Variants in RORA observed in about 807,000 individuals in gnomAD.
RORA encodes nuclear receptor ROR-alpha.
A neutral mutation model predicts 69.5 loss-of-function variants in RORA; 7 were observed. That is an observed-to-expected ratio of 0.10 (90% CI 0.06 to 0.19). RORA has a LOEUF of 0.19. Ranked by LOEUF, RORA falls within the 10% of genes least tolerant of loss-of-function variation. The pLI is 1.00. For synonymous variants in RORA, 261 were observed against 240.8 expected (o/e 1.08, Z -0.78); for missense variants, 457 against 663.0 (o/e 0.69, Z 3.41).
intron 1 of RORA, among the ~76,000 whole-genome samples, chr15:61,118,640 T>TGA (rs572887914): frequency 2.6e-4 from 39 of 150,750 alleles, no homozygotes; most frequent in Non-Finnish European, 3.6e-4. Flanking sequence ...CAGCCAGAGG[T>TGA]GAGAGAGAGC....
At chr15:60,584,430 T>G (rs1186658842) in intron 2 of RORA, among the ~76,000 whole-genome samples, 1 of 152,228 alleles carries the variant, frequency 6.6e-6, no homozygotes, top group Non-Finnish European at 1.5e-5. Context: ...GAAATCTCCT[T>G]TGTTTTAAAT....
In RORA at chr15:60,820,566, A is replaced by T. The variant is rs150341355; in HGVS notation, c.167-141880T>A. Among the ~76,000 whole-genome samples, 118 of 152,152 alleles carry T rather than the reference A, an allele frequency of 7.8e-4. No homozygotes were observed. The East Asian group carries it at 0.015, about 20-fold the overall frequency. On this transcript the variant is annotated intron_variant, in intron 1 of 10. Transcript: ENST00000335670. ...AAAAGGCGCATTCTCTTTTCTGTAA[A>T]ATTTTTAAACATTTTAAAGCTAAAT...
chr15:60,880,729 C>T (rs560013066), intron 1 of RORA, among the ~76,000 whole-genome samples: 10 of 152,170 alleles, frequency 6.6e-5, no homozygotes, highest in South Asian at 2.1e-4. Flanking sequence ...TCAAAGCCTC[C>T]GGAAAAGGAG....
At chr15:61,046,122 AG>A (rs1897008390) in intron 1 of RORA, among the ~76,000 whole-genome samples, 2 of 152,248 alleles carry the variant, frequency 1.3e-5, no homozygotes, top group Non-Finnish European at 2.9e-5. Flanking sequence ...GTTAGGTCTC[AG>A]AAGTTCCACC....
chr15:61,011,141 T>C (rs1198429425), intron 1 of RORA, among the ~76,000 whole-genome samples: 1 of 152,126 alleles, frequency 6.6e-6, no homozygotes, highest in Non-Finnish European at 1.5e-5. Flanking sequence ...ACCCCCCTCA[T>C]TCAACTGCAC....
chr15:61,214,902 G>C (rs1208773851), intron 1 of RORA, among the ~76,000 whole-genome samples: 2 of 127,894 alleles, frequency 1.6e-5, no homozygotes, highest in African/African-American at 6.0e-5. Flanking sequence ...GTCTTGCTGT[G>C]TCCCCAGGCT....
At chr15:61,139,151 A>G (rs2079273777) in intron 1 of RORA, among the ~76,000 whole-genome samples, 1 of 152,186 alleles carries the variant, frequency 6.6e-6, no homozygotes, top group Non-Finnish European at 1.5e-5. Flanking sequence ...CTAAAAAAAA[A>G]AAAAAAGTTA....
intron 1 of RORA, among the ~76,000 whole-genome samples, chr15:60,713,606 C>T (rs545030412): frequency 1.3e-5 from 2 of 152,242 alleles, no homozygotes; most frequent in African/African-American, 4.8e-5. Context: ...CATATTCAGC[C>T]CTTAGGAATA....
At chr15:60,743,051 G>A in intron 1 of RORA, among the ~76,000 whole-genome samples, 1 of 74,312 alleles carries the variant, frequency 1.3e-5, no homozygotes, top group East Asian at 3.8e-4. Context: ...GTCTCACTTT[G>A]TCACCCAGGC....
chr15:60,510,571 T>C (rs1026544652), intron 5 of RORA: 3 of 152,248 alleles, frequency 2.0e-5, no homozygotes, highest in African/African-American at 7.2e-5. Context: ...ACATTTATAC[T>C]ATATATCAGA....
At chr15:60,813,099 C>T (rs2072766029) in intron 1 of RORA, among the ~76,000 whole-genome samples, 1 of 152,204 alleles carries the variant, frequency 6.6e-6, no homozygotes, top group East Asian at 1.9e-4. Flanking sequence ...CTGCAACATC[C>T]TGCCTCCAAA....
chr15:61,203,716 A>T (rs908545616), intron 1 of RORA, among the ~76,000 whole-genome samples: 2 of 152,250 alleles, frequency 1.3e-5, no homozygotes, highest in Non-Finnish European at 2.9e-5. Flanking sequence ...ACAAGTCTTG[A>T]GCAGAATAAA....
chr15:60,913,657 T>C (rs950778036), intron 1 of RORA, among the ~76,000 whole-genome samples: 1 of 152,218 alleles, frequency 6.6e-6, no homozygotes, highest in Admixed American at 6.5e-5. Flanking sequence ...ATGCTGTGCT[T>C]TGCTGGCATT....
rs1031324326 is a variant in RORA at position 61,213,225 on chromosome 15, G to A, written c.166+15828C>T. On this transcript the variant is annotated intron_variant, in intron 1 of 10. Coordinates refer to ENST00000335670, the MANE Select transcript of RORA (RefSeq NM_134261.3). The surrounding 1 kb of genome is among the most constrained non-coding windows in gnomAD (Gnocchi z 4.1). The stretch of plus-strand genomic sequence containing the variant: ...TCATGTTCTTCCAACTCCACTTCCT[G>A]GGGAATCCTACCGCAGAGTCAACTC... Among the ~76,000 whole-genome samples, 3 of 151,904 alleles carry A rather than the reference G, an allele frequency of 2.0e-5. No individual in the cohort carries two copies. Among genetic ancestry groups the A allele is most frequent in the Non-Finnish European group, 4.4e-5 (3 of 68,002 alleles).
chr15:60,715,421 G>A (rs2071207283), intron 1 of RORA, among the ~76,000 whole-genome samples: 1 of 152,158 alleles, frequency 6.6e-6, no homozygotes, highest in African/African-American at 2.4e-5. Flanking sequence ...CAGGCTGGTG[G>A]TCAACTTTCA....
intron 1 of RORA, among the ~76,000 whole-genome samples, chr15:61,190,971 AAG>A (rs2079793768): frequency 6.6e-6 from 1 of 152,116 alleles, no homozygotes; most frequent in Non-Finnish European, 1.5e-5. Context: ...AGTAGCTCGT[AAG>A]CTGATTTTTA....
intron 1 of RORA, among the ~76,000 whole-genome samples, chr15:60,831,820 G>T (rs1397820614): frequency 6.6e-6 from 1 of 152,202 alleles, no homozygotes; most frequent in Non-Finnish European, 1.5e-5. Flanking sequence ...AGAAATACTT[G>T]TGGCTGATTA....
intron 1 of RORA, among the ~76,000 whole-genome samples, chr15:61,185,189 T>C (rs910673412): frequency 6.6e-6 from 1 of 152,084 alleles, no homozygotes; most frequent in Non-Finnish European, 1.5e-5. Context: ...GATGTGTCCC[T>C]CTGTAAATGA....
chr15:61,134,625 C>CA (rs777203646), intron 1 of RORA, among the ~76,000 whole-genome samples: 4 of 152,148 alleles, frequency 2.6e-5, no homozygotes, highest in Non-Finnish European at 5.9e-5. Context: ...TGCAATGGTC[C>CA]AATGTTGATT....
Sources: allele counts gnomAD v4.1 joint callset (sites outside exome capture counted in the v4.1 genomes callset), GRCh38; gene constraint gnomAD v4.1.1; non-coding constraint Gnocchi (gnomAD v3.1); transcripts MANE v1.5; gene names NCBI Gene and HGNC (gene_info 2026-07-23, HGNC 2026-07-21).